ARHGAP6: variants seen among roughly 807,000 people sequenced by gnomAD.
ARHGAP6 encodes the protein rho GTPase-activating protein 6.
A neutral mutation model predicts 55.7 loss-of-function variants in ARHGAP6; 16 were observed. The observed-to-expected ratio is 0.29, with a 90% CI of 0.19 to 0.44. The LOEUF is 0.44. Among genes scored for constraint, ARHGAP6 ranks in the 20% least tolerant of loss-of-function variants. The pLI is 1.00. For missense variants in ARHGAP6, 698 were observed against 808.9 expected (o/e 0.86, Z 1.66); for synonymous variants, 382 against 360.9 (o/e 1.06, Z -0.66).
chrX:11,351,536 G>A, intron 1 of ARHGAP6: 1 of 893,028 alleles, frequency 1.1e-6, no homozygotes, highest in Admixed American at 4.8e-5. Flanking sequence ...GATTAGAGTA[G>A]AAAGGGGAAG....
chrX:11,588,380 A>T (rs776040951), intron 1 of ARHGAP6, among the ~76,000 whole-genome samples: 1 of 111,984 alleles, frequency 8.9e-6, no homozygotes, highest in Non-Finnish European at 1.9e-5. Flanking sequence ...GCTTAGAAAC[A>T]TAATATTACT....
At chrX:11,487,198 G>C (rs1261930367) in intron 1 of ARHGAP6, among the ~76,000 whole-genome samples, 1 of 112,336 alleles carries the variant, frequency 8.9e-6, no homozygotes, top group Non-Finnish European at 1.9e-5. Context: ...TGTGTAAATA[G>C]ATAAATACAT....
intron 1 of ARHGAP6, among the ~76,000 whole-genome samples, chrX:11,489,726 G>C (rs6640741): frequency 8.9e-6 from 1 of 111,784 alleles, no homozygotes; most frequent in African/African-American, 3.3e-5. Flanking sequence ...GAAATGAGTA[G>C]AAAAGCCAGG....
At chrX:11,191,975 T>A (rs2046467678) in intron 3 of ARHGAP6, among the ~76,000 whole-genome samples, 1 of 111,647 alleles carries the variant, frequency 9.0e-6, no homozygotes, top group Non-Finnish European at 1.9e-5. Context: ...ATCTTAACCA[T>A]CCTCATCACT....
intron 1 of ARHGAP6, among the ~76,000 whole-genome samples, chrX:11,556,996 C>T (rs772382991): frequency 1.8e-4 from 20 of 111,554 alleles, no homozygotes; most frequent in Non-Finnish European, 2.1e-4. Context: ...CAAATTTCTA[C>T]CCCTTGGACA....
chrX:11,365,150 A>G (rs138564910), intron 1 of ARHGAP6, among the ~76,000 whole-genome samples: 90 of 112,244 alleles, frequency 8.0e-4, no homozygotes, highest in Non-Finnish European at 1.4e-3. Context: ...GTCACATCTC[A>G]ATGTGATGTC....
At chrX:11,531,708 C>T (rs1296218665) in intron 1 of ARHGAP6, among the ~76,000 whole-genome samples, 1 of 111,594 alleles carries the variant, frequency 9.0e-6, no homozygotes, top group Admixed American at 9.5e-5. Context: ...CCATAGCTAT[C>T]CCAAGCTTTG....
chrX:11,167,539 T>A (rs2046033374), intron 9 of ARHGAP6, among the ~76,000 whole-genome samples: 1 of 111,860 alleles, frequency 8.9e-6, no homozygotes, highest in Non-Finnish European at 1.9e-5. Context: ...CTGTTCTTAG[T>A]AATTCAGGTG....
Position 11,182,449 on chromosome X carries a change from TCTAA to T in ARHGAP6, c.1274-335_1274-332del, listed in dbSNP as rs756782736. Reference sequence around the variant, plus strand: ...ACCTAAACACACATTTTATAGGGATTCTAACTCTTTATTAATTTCTAAAAGATAT... The same window carrying T: ...ACCTAAACACACATTTTATAGGGATTCTCTTTATTAATTTCTAAAAGATAT... On this transcript the variant is annotated intron_variant, in intron 5 of 12. Coordinates refer to ENST00000337414, the MANE Select transcript of ARHGAP6 (RefSeq NM_013427.3). 1.9e-4 allele frequency among the ~76,000 whole-genome samples: 21 copies of T among 111,608 alleles called. No homozygotes were observed. In the East Asian group the frequency reaches 4.7e-3, roughly 25 times the overall value.
chrX:11,497,580 T>TCTCTCTCTCC (rs2050636925), intron 1 of ARHGAP6, among the ~76,000 whole-genome samples: 1 of 86,107 alleles, frequency 1.2e-5, no homozygotes. Context: ...TCTCTCTCTC[T>TCTCTCTCTCC]CTCTCTCTCT....
intron 1 of ARHGAP6, among the ~76,000 whole-genome samples, chrX:11,490,406 TAACA>T (rs2050555855): frequency 9.0e-6 from 1 of 111,457 alleles, no homozygotes; most frequent in East Asian, 2.8e-4. Flanking sequence ...TGAATTCTGC[TAACA>T]ATCACATGAG....
chrX:11,386,033 G>C, intron 1 of ARHGAP6, among the ~76,000 whole-genome samples: 1 of 112,364 alleles, frequency 8.9e-6, no homozygotes, highest in South Asian at 3.7e-4. Flanking sequence ...TGTGATCTCA[G>C]AGAACACAAG....
chrX:11,166,231 T>C (rs201332534), intron 9 of ARHGAP6, among the ~76,000 whole-genome samples: 28 of 111,434 alleles, frequency 2.5e-4, no homozygotes, highest in East Asian at 1.1e-3. Flanking sequence ...AGAACAAATT[T>C]TGGGTCCCTG....
intron 1 of ARHGAP6, among the ~76,000 whole-genome samples, chrX:11,565,955 G>A (rs5935108): frequency 0.27 from 30,260 of 110,909 alleles, 3,194 homozygotes; most frequent in Middle Eastern, 0.38. Flanking sequence ...CCTATTCAGA[G>A]CTGGCTATCA....
At chrX:11,488,091 C>A (rs1335681816) in intron 1 of ARHGAP6, among the ~76,000 whole-genome samples, 1 of 111,878 alleles carries the variant, frequency 8.9e-6, no homozygotes, top group Non-Finnish European at 1.9e-5. Context: ...CAAAGTCATG[C>A]AAGTCAAAAA....
At chrX:11,596,538 G>A (rs5935122) in intron 1 of ARHGAP6, among the ~76,000 whole-genome samples, 14,328 of 110,661 alleles carry the variant, frequency 0.13, 794 homozygotes, top group Admixed American at 0.21. Context: ...AAAACTGCAC[G>A]TTCTGCACAT....
At chrX:11,312,362 C>T (rs1362999817) in intron 1 of ARHGAP6, among the ~76,000 whole-genome samples, 1 of 111,719 alleles carries the variant, frequency 9.0e-6, no homozygotes, top group African/African-American at 3.3e-5. Flanking sequence ...CCAAAAAAGA[C>T]AAAAATATTA....
chrX:11,530,154 C>T (rs1353640877), intron 1 of ARHGAP6, among the ~76,000 whole-genome samples: 1 of 111,241 alleles, frequency 9.0e-6, no homozygotes, highest in Non-Finnish European at 1.9e-5. Context: ...TGAGTGCATT[C>T]TCAACATTCA....
At chrX:11,449,780 T>C (rs1447824727) in intron 1 of ARHGAP6, among the ~76,000 whole-genome samples, 1 of 111,940 alleles carries the variant, frequency 8.9e-6, no homozygotes, top group East Asian at 2.8e-4. Context: ...TTGGAAGGAT[T>C]CCTGGATGAT....
Sources: allele counts gnomAD v4.1 joint callset (sites outside exome capture counted in the v4.1 genomes callset), GRCh38; gene constraint gnomAD v4.1.1; transcripts MANE v1.5; gene names NCBI Gene and HGNC (gene_info 2026-07-23, HGNC 2026-07-21).